The following PLD1 variants were observed in gnomAD, a reference collection of about 807,000 sequenced individuals.
The protein encoded by PLD1 is phospholipase D1.
Under a neutral mutation model 137.1 loss-of-function variants are expected in PLD1, and 112 were observed. That is an observed-to-expected ratio of 0.82 (90% CI 0.70 to 0.96). The LOEUF is 0.96. Ranked by LOEUF, PLD1 falls within the 40% of genes least tolerant of loss-of-function variation. The pLI is 0.00. For synonymous variants in PLD1, 431 were observed against 454.7 expected, an observed-to-expected ratio of 0.95 and a Z score of 0.66; for missense variants, 1,321 against 1,342.0, an observed-to-expected ratio of 0.98 and a Z score of 0.24.
At chr3:171,695,622 G>A (rs934428038) in intron 12 of PLD1, among the ~76,000 whole-genome samples, 1 of 152,146 alleles carries the variant, frequency 6.6e-6, no homozygotes, top group Non-Finnish European at 1.5e-5. Flanking sequence ...TTTTTATAGT[G>A]GAAATCAGTG....
intron 23 of PLD1, among the ~76,000 whole-genome samples, chr3:171,635,317 T>C (rs566432000): frequency 4.4e-4 from 67 of 152,296 alleles, no homozygotes; most frequent in African/African-American, 1.6e-3. Context: ...AGGCTAACTA[T>C]ATTTAACTTT....
chr3:171,634,212 G>A (rs1038729928), intron 23 of PLD1, among the ~76,000 whole-genome samples: 1 of 152,046 alleles, frequency 6.6e-6, no homozygotes, highest in African/African-American at 2.4e-5. Flanking sequence ...GCTTAGCATT[G>A]AAATTAATTC....
intron 1 of PLD1, among the ~76,000 whole-genome samples, chr3:171,784,745 C>A (rs1722928768): frequency 6.6e-6 from 1 of 152,148 alleles, no homozygotes; most frequent in Non-Finnish European, 1.5e-5. Context: ...CCTCTAGAAC[C>A]ACCAAAGCTT....
At chr3:171,705,153 A>T (rs1465034254) in intron 11 of PLD1, among the ~76,000 whole-genome samples, 1 of 152,216 alleles carries the variant, frequency 6.6e-6, no homozygotes, top group African/African-American at 2.4e-5. Flanking sequence ...AGAGTCAATG[A>T]ATTTGAAGGC....
chr3:171,688,112 A>G (rs1249129522), intron 14 of PLD1, among the ~76,000 whole-genome samples: 1 of 152,152 alleles, frequency 6.6e-6, no homozygotes, highest in Non-Finnish European at 1.5e-5. Flanking sequence ...TAATAAGTGT[A>G]TTCATATTCT....
chr3:171,684,883 G>C (rs887731629), intron 16 of PLD1, among the ~76,000 whole-genome samples: 1 of 152,056 alleles, frequency 6.6e-6, no homozygotes, highest in South Asian at 2.1e-4. Context: ...CACTGCACCT[G>C]GCCTCTTCTC....
chr3:171,773,860 T>G (rs13086914), intron 1 of PLD1, among the ~76,000 whole-genome samples: 57,960 of 151,778 alleles, frequency 0.38, 11,437 homozygotes, highest in Middle Eastern at 0.64. Context: ...GCCATTCTTC[T>G]GCCTCAGCCT....
In PLD1 at chr3:171,673,186, A is replaced by G. The variant is rs188387875; in HGVS notation, c.2229+1314T>C. Among the ~76,000 whole-genome samples, 671 of 152,358 alleles carry G rather than the reference A, an allele frequency of 4.4e-3. 2 individuals are homozygous for G. The highest frequency in any genetic ancestry group is 7.7e-3 in the Non-Finnish European group (526 of 68,038). On this transcript the variant is annotated intron_variant, in intron 19 of 26. Coordinates refer to ENST00000351298, the MANE Select transcript of PLD1 (RefSeq NM_002662.5). ...GTTCATAAAATATTCATCAACTTAC[A>G]TATAAATCATAGCTATCTCTATGCC...
intron 25 of PLD1, 56 bp from the exon 26 acceptor site, chr3:171,605,472 G>T: frequency 1.1e-6 from 1 of 943,790 alleles, no homozygotes; most frequent in Non-Finnish European, 1.8e-6. Flanking sequence ...TTTGTTGCAG[G>T]ATATATGTCT....
intron 1 of PLD1, among the ~76,000 whole-genome samples, chr3:171,754,756 T>A (rs1054848869): frequency 6.6e-6 from 1 of 152,222 alleles, no homozygotes; most frequent in African/African-American, 2.4e-5. Flanking sequence ...TAAATATTAG[T>A]GATATTACAT....
intron 11 of PLD1, among the ~76,000 whole-genome samples, chr3:171,704,447 C>A (rs542065227): frequency 3.4e-4 from 26 of 76,200 alleles, no homozygotes; most frequent in Non-Finnish European, 4.8e-4. Flanking sequence ...ACCTGGCACA[C>A]AAAGAACCAG....
chr3:171,677,453 A>G, intron 17 of PLD1, 113 bp downstream of exon 17: 9 of 1,154,124 alleles, frequency 7.8e-6, no homozygotes, highest in South Asian at 1.7e-5. Context: ...AAAATTTTCA[A>G]AAATCAACGG....
chr3:171,758,520 A>G (rs1277108437), intron 1 of PLD1, among the ~76,000 whole-genome samples: 1 of 152,214 alleles, frequency 6.6e-6, no homozygotes, highest in Non-Finnish European at 1.5e-5. Flanking sequence ...CTAGCCTCGT[A>G]GGCATCATCC....
chr3:171,659,505 G>GT (rs1433072436), intron 20 of PLD1, among the ~76,000 whole-genome samples: 5 of 152,164 alleles, frequency 3.3e-5, no homozygotes, highest in Non-Finnish European at 7.4e-5. Context: ...CATATCACCT[G>GT]TAACACTTAA....
intron 1 of PLD1, among the ~76,000 whole-genome samples, chr3:171,783,341 A>G: frequency 6.6e-6 from 1 of 152,058 alleles, no homozygotes; most frequent in Non-Finnish European, 1.5e-5. Context: ...GATTTTAACC[A>G]GGGTTGTGTT....
chr3:171,793,348 AC>A (rs1288262004), intron 1 of PLD1: 5 of 152,202 alleles, frequency 3.3e-5, no homozygotes, highest in African/African-American at 9.6e-5. Flanking sequence ...AATTGAAGTT[AC>A]TAAAAATTAA....
intron 8 of PLD1, among the ~76,000 whole-genome samples, chr3:171,717,643 T>C (rs1717777222): frequency 6.6e-6 from 1 of 152,226 alleles, no homozygotes; most frequent in South Asian, 2.1e-4. Flanking sequence ...CTGTGGAGTT[T>C]TCTAGATATA....
At chr3:171,758,518 G>A (rs572813080) in intron 1 of PLD1, among the ~76,000 whole-genome samples, 11 of 152,160 alleles carry the variant, frequency 7.2e-5, no homozygotes, top group Non-Finnish European at 1.3e-4. Flanking sequence ...GACTAGCCTC[G>A]TAGGCATCAT....
intron 23 of PLD1, among the ~76,000 whole-genome samples, chr3:171,639,540 T>TG (rs1735477016): frequency 1.3e-4 from 11 of 84,424 alleles, no homozygotes; most frequent in African/African-American, 5.3e-4. Context: ...ATATATTATA[T>TG]AAATATATAT....
Sources: gnomAD v4.1 joint callset for allele counts (sites outside exome capture counted in the v4.1 genomes callset) on GRCh38, gnomAD v4.1.1 for gene constraint, MANE v1.5 for transcripts, NCBI Gene and HGNC (gene_info 2026-07-23, HGNC 2026-07-21) for gene names.